Variants in GMPR observed in about 807,000 individuals in gnomAD.
GMPR encodes guanosine monophosphate reductase.
GMPR carries 31 observed loss-of-function variants against 38.4 expected under a neutral mutation model. The ratio of observed to expected loss-of-function variants is 0.81; its 90% confidence interval spans 0.61 to 1.09. The LOEUF is 1.09. Among genes scored for constraint, GMPR ranks in the 50% least tolerant of loss-of-function variants. The pLI is 0.00. For synonymous variants in GMPR, 162 were observed against 173.3 expected (o/e 0.93, Z 0.51); for missense variants, 468 against 453.7 (o/e 1.03, Z -0.29).
intron 8 of GMPR, among the ~76,000 whole-genome samples, chr6:16,293,754 C>T (rs369559051): frequency 9.2e-5 from 14 of 152,168 alleles, no homozygotes; most frequent in East Asian, 3.9e-4. Flanking sequence ...GCTGAGATTG[C>T]ACCATTGCAC....
rs1474561881 is a variant in GMPR, at chr6:16,240,263, A to T, written c.87+1483A>T. Among the ~76,000 whole-genome samples, 4 of 152,246 alleles carry T rather than the reference A, an allele frequency of 2.6e-5. No individual in the cohort carries two copies. In the East Asian group the frequency reaches 7.7e-4, roughly 29 times the overall value. On this transcript the variant is annotated intron_variant, in intron 1 of 8. Transcript: ENST00000259727. ...ACATTAATGTAATAGGGCCAGGCAC[A>T]GTAGCTCACACCTGTAATCCCAGCA...
rs1759627400 is a variant in GMPR, at chr6:16,284,151, G to A, written c.655-1642G>A. Among the ~76,000 whole-genome samples the A allele has an allele frequency of 2.0e-5, 3 of 152,318 alleles. No homozygotes were observed. In the South Asian group the frequency reaches 6.2e-4, roughly 32 times the overall value. On this transcript the variant is annotated intron_variant, in intron 6 of 8. Transcript: ENST00000259727. ...TGTATGAATAACACATTTGATTGAG[G>A]AAATAACTGTGGTCAGTAAATGTTT...
At chr6:16,270,750 C>T (rs1197237152) in intron 4 of GMPR, among the ~76,000 whole-genome samples, 1 of 152,236 alleles carries the variant, frequency 6.6e-6, no homozygotes, top group Non-Finnish European at 1.5e-5. Flanking sequence ...ATTTCATAAT[C>T]ACTTTGGGTT....
Position 16,294,988 on chromosome 6 carries a change from A to G in GMPR, c.858-18A>G. The G allele has an allele frequency of 5.6e-6, 9 of 1,595,796 alleles. No homozygotes were observed. Among genetic ancestry groups the G allele is most frequent in the Non-Finnish European group, 7.7e-6 (9 of 1,169,962 alleles). On this transcript the variant is annotated intron_variant, in intron 8 of 8. Coordinates refer to ENST00000259727, the MANE Select transcript of GMPR (RefSeq NM_006877.4). ...GGGCGGGAAACTAGATAAAAAGAAA[A>G]CTTCTATCGTCTTCCAGAGCCTCTG...
intron 6 of GMPR, among the ~76,000 whole-genome samples, chr6:16,285,268 A>G (rs115718147): frequency 3.4e-3 from 522 of 152,358 alleles, no homozygotes; most frequent in Middle Eastern, 0.01. Context: ...TACATGAGGA[A>G]TAGGAAACAT....
intron 4 of GMPR, among the ~76,000 whole-genome samples, chr6:16,255,317 A>G (rs1223791426): frequency 6.6e-6 from 1 of 151,848 alleles, no homozygotes; most frequent in Non-Finnish European, 1.5e-5. Context: ...TCAGCCCCAT[A>G]TGATACCTTT....
chr6:16,275,314 G>A (rs1759453966), intron 5 of GMPR, among the ~76,000 whole-genome samples: 2 of 152,130 alleles, frequency 1.3e-5, no homozygotes, highest in Admixed American at 1.3e-4. Flanking sequence ...TACCAAAAAA[G>A]GAAGCAAACC....
chr6:16,254,659 T>G lies in GMPR; in HGVS notation c.389T>G (p.Val130Gly), dbSNP rs1302294971. ...VPQVKFICLD[V>G]ANGYSEHFVE... ...CAGGTTAAGTTTATTTGCCTGGATG[T>G]GGCCAATGGGTATTCAGAACATTTT... Residue 130 changes from valine (V) to glycine (G), a missense_variant, in exon 4 of 9, where the codon GTG becomes GGG. By Grantham distance (109) the Val-to-Gly change is moderately radical (BLOSUM62 -3). Coordinates refer to ENST00000259727, the MANE Select transcript of GMPR (RefSeq NM_006877.4). 2 of 1,613,314 alleles carry G rather than the reference T, an allele frequency of 1.2e-6. No homozygotes were observed. The highest frequency in any genetic ancestry group is 4.5e-5 in the East Asian group (2 of 44,898).
chr6:16,278,943 C>T, intron 6 of GMPR, 53 bp downstream of exon 6: 1 of 1,074,818 alleles, frequency 9.3e-7, no homozygotes, highest in Admixed American at 1.9e-5. Context: ...CCCCTGCTCC[C>T]TCGCTGCTCT....
chr6:16,245,954 T>G (rs1758743154), intron 1 of GMPR, among the ~76,000 whole-genome samples: 1 of 152,186 alleles, frequency 6.6e-6, no homozygotes, highest in African/African-American at 2.4e-5. Flanking sequence ...GCCACTGTCC[T>G]CCAGTTTCCC....
In GMPR at chr6:16,289,848, A is replaced by ATTTTTTTTTTTTTTTTTT. The variant is rs546450494; in HGVS notation, c.698-594_698-577dup. The stretch of plus-strand genomic sequence containing the variant: ...AACTTGCTTTCTAAGATACTGCCCA[A>ATTTTTTTTTTTTTTTTTT]TTTTTTTTTTTTTTTTTTTTTTTTT... On this transcript the variant is annotated intron_variant, in intron 7 of 8. Coordinates refer to ENST00000259727, the MANE Select transcript of GMPR (RefSeq NM_006877.4). 3.3e-4 allele frequency: 21 copies of ATTTTTTTTTTTTTTTTTT among 63,184 alleles called. 1 individual carries two copies. The highest frequency in any genetic ancestry group is 1.1e-3 in the African/African-American group (15 of 14,174). The allele number at this position is 63,184 out of a possible 1,614,324, so 3.9% of individuals were successfully genotyped here.
At chr6:16,266,111 TC>T (rs1759206777) in intron 4 of GMPR, among the ~76,000 whole-genome samples, 3 of 20,266 alleles carry the variant, frequency 1.5e-4, no homozygotes, top group East Asian at 8.5e-4. Context: ...ACACTTGCCA[TC>T]TTTAAGAGCT....
intron 4 of GMPR, among the ~76,000 whole-genome samples, chr6:16,260,547 G>A (rs1434717874): frequency 1.3e-5 from 2 of 152,012 alleles, no homozygotes; most frequent in African/African-American, 4.8e-5. Context: ...CTTGATGTGT[G>A]GGGAAGGGAA....
chr6:16,265,981 A>G (rs1332002830), intron 4 of GMPR, among the ~76,000 whole-genome samples: 1 of 152,044 alleles, frequency 6.6e-6, no homozygotes, highest in Non-Finnish European at 1.5e-5. Flanking sequence ...GTGGATGTGC[A>G]ACCTTTAAGA....
At chr6:16,291,403 T>C (rs1169739252) in intron 8 of GMPR, among the ~76,000 whole-genome samples, 1 of 151,960 alleles carries the variant, frequency 6.6e-6, no homozygotes, top group East Asian at 1.9e-4. Flanking sequence ...TTTGTATTTT[T>C]AGTAAAGATG....
Position 16,249,635 on chromosome 6 carries a change from T to C in GMPR, c.208-649T>C, listed in dbSNP as rs1758828782. Among the ~76,000 whole-genome samples, 3 of 152,238 alleles carry C rather than the reference T, an allele frequency of 2.0e-5. No homozygotes were observed. In the South Asian group the frequency reaches 6.2e-4, roughly 31 times the overall value. ...ACCATGCCTGGGCAACTTAAACTGCTTAAGCTCCATTTATGCCCACGAAGC... is the reference window on the plus strand; with the variant it reads ...ACCATGCCTGGGCAACTTAAACTGCCTAAGCTCCATTTATGCCCACGAAGC... On this transcript the variant is annotated intron_variant, in intron 2 of 8. Transcript: ENST00000259727.
intron 4 of GMPR, among the ~76,000 whole-genome samples, chr6:16,267,624 T>G (rs1035437034): frequency 6.6e-6 from 1 of 152,084 alleles, no homozygotes; most frequent in African/African-American, 2.4e-5. Flanking sequence ...TTAAGAATTG[T>G]AACACTCACC....
chr6:16,249,715 C>T (rs1037759701), intron 2 of GMPR, among the ~76,000 whole-genome samples: 10 of 152,154 alleles, frequency 6.6e-5, no homozygotes, highest in Admixed American at 5.9e-4. Context: ...TGACACAAAG[C>T]GGGTCATAAA....
At chr6:16,276,504 T>C (rs1581661514) in intron 5 of GMPR, among the ~76,000 whole-genome samples, 1 of 152,164 alleles carries the variant, frequency 6.6e-6, no homozygotes, top group Non-Finnish European at 1.5e-5. Flanking sequence ...GTCTCGAACA[T>C]TTACTACACT....
Sources: gnomAD v4.1 joint callset for allele counts (sites outside exome capture counted in the v4.1 genomes callset) on GRCh38, gnomAD v4.1.1 for gene constraint, MANE v1.5 for transcripts, NCBI Gene and HGNC (gene_info 2026-07-23, HGNC 2026-07-21) for gene names.